PROZ: variants seen among roughly 807,000 people sequenced by gnomAD.
PROZ encodes vitamin K-dependent protein Z.
A neutral mutation model predicts 34.9 loss-of-function variants in PROZ; 46 were observed. The observed-to-expected ratio is 1.32, with a 90% confidence interval of 1.04 to 1.69. The LOEUF is 1.69. Among genes scored for constraint, PROZ ranks in the 40% most tolerant of loss-of-function variants. PROZ has a pLI of 0.00. For missense variants in PROZ, 530 were observed against 520.4 expected (o/e 1.02, Z -0.18); for synonymous variants, 195 against 208.5 (o/e 0.94, Z 0.56).
At position 113,159,023 on chromosome 13, in the gene PROZ, T is replaced by TG. The variant is rs2036711755; in HGVS notation, c.70+299dup. Among the ~76,000 whole-genome samples, 1 of 16,720 alleles carries TG rather than the reference T, an allele frequency of 6.0e-5. No homozygotes were observed. The highest frequency in any genetic ancestry group is 1.2e-4 in the Non-Finnish European group (1 of 8,356). 11.0% of individuals were successfully genotyped at this position (16,720 alleles called of 152,430 possible). ...GAGGGGAGGGGGAAAGGGGGAGGAGTGGGGGGAGGCCTGGGTTGGGCATTG... is the reference window on the plus strand; with the variant it reads ...GAGGGGAGGGGGAAAGGGGGAGGAGTGGGGGGGAGGCCTGGGTTGGGCATTG... On this transcript the variant is annotated intron_variant, in intron 1 of 7. Transcript: ENST00000375547. The surrounding 1 kb of genome is among the most constrained non-coding windows in gnomAD (Gnocchi z 4.6).
chr13:113,160,837 TC>T, intron 2 of PROZ, 110 bp from the exon 3 acceptor site: 1 of 926,266 alleles, frequency 1.1e-6, no homozygotes, highest in Non-Finnish European at 1.7e-6. Flanking sequence ...ACCACTATTG[TC>T]CTATTAAGTG....
chr13:113,170,640 T>C, intron 7 of PROZ, 110 bp downstream of exon 7: 1 of 733,796 alleles, frequency 1.4e-6, no homozygotes, highest in Non-Finnish European at 2.4e-6. Flanking sequence ...AACATAGAAC[T>C]GAATTTACTG....
At chr13:113,165,193 AATGTTG>A (rs1044795663) in intron 6 of PROZ, 73 bp downstream of exon 6, 4 of 1,483,680 alleles carry the variant, frequency 2.7e-6, no homozygotes, top group Non-Finnish European at 3.7e-6. Context: ...CCTAAATAGA[AATGTTG>A]ACAACTAAGT....
At chr13:113,168,628 A>G (rs2037017951) in intron 6 of PROZ, among the ~76,000 whole-genome samples, 1 of 152,224 alleles carries the variant, frequency 6.6e-6, no homozygotes, top group Admixed American at 6.5e-5. Context: ...TTTGAATTTA[A>G]TTATACTGTG....
intron 3 of PROZ, among the ~76,000 whole-genome samples, chr13:113,161,303 C>T (rs1009487318): frequency 1.3e-5 from 2 of 152,222 alleles, no homozygotes; most frequent in African/African-American, 4.8e-5. Flanking sequence ...TCCTGGGAAG[C>T]CTCATGCTGC....
rs2036711602 is a variant in PROZ, at chr13:113,159,017, G to A, written c.70+287G>A. ...CGGGGAGAGGGGAGGGGGAAAGGGGGAGGAGTGGGGGGAGGCCTGGGTTGG... is the reference window on the plus strand; with the variant it reads ...CGGGGAGAGGGGAGGGGGAAAGGGGAAGGAGTGGGGGGAGGCCTGGGTTGG... On this transcript the variant is annotated intron_variant, in intron 1 of 7. Transcript: ENST00000375547. The surrounding 1 kb of genome is among the most constrained non-coding windows in gnomAD (Gnocchi z 4.6). Among the ~76,000 whole-genome samples the A allele has an allele frequency of 6.7e-6, 1 of 148,160 alleles. No individual in the cohort carries two copies. Among genetic ancestry groups the A allele is most frequent in the African/African-American group, 2.5e-5 (1 of 40,384 alleles).
rs541732106 is a variant in PROZ, at chr13:113,159,144, G to A, written c.70+414G>A. 8.3e-4 allele frequency: 1,116 copies of A among 1,343,272 alleles called. 1 individual carries two copies. The highest frequency in any genetic ancestry group is 1.1e-3 in the Non-Finnish European group (1,023 of 958,820). The allele number at this position is 1,343,272 out of a possible 1,614,324, so 83.2% of individuals were successfully genotyped here. ...GCCAGGAATGCCCAGTCTTGAGTCA[G>A]GAGACATAGCCAGGGAGCAGCCACC... On this transcript the variant is annotated intron_variant, in intron 1 of 7. Transcript: ENST00000375547. The surrounding 1 kb of genome is among the most constrained non-coding windows in gnomAD (Gnocchi z 4.6).
chr13:113,166,557 G>A (rs2036939909), intron 6 of PROZ: 2 of 152,212 alleles, frequency 1.3e-5, no homozygotes, highest in Admixed American at 1.3e-4. Flanking sequence ...TGGAGCTCAA[G>A]GACTTGAAGC....
intron 3 of PROZ, among the ~76,000 whole-genome samples, chr13:113,161,462 G>C (rs1391130889): frequency 6.6e-6 from 1 of 152,146 alleles, no homozygotes; most frequent in Non-Finnish European, 1.5e-5. Context: ...CCACGGGGCT[G>C]GGGGAGGCCA....
At chr13:113,165,237 T>A (rs1196701885) in intron 6 of PROZ, 117 bp downstream of exon 6, 2 of 1,075,694 alleles carry the variant, frequency 1.9e-6, no homozygotes, top group Admixed American at 3.9e-5. Flanking sequence ...TTTGATGGGC[T>A]ACTGACTGCA....
Position 113,159,862 on chromosome 13 carries a change from AGTAGCGGG to A in PROZ, c.71-149_71-142del. On this transcript the variant is annotated intron_variant, in intron 1 of 7. Transcript: ENST00000375547. The surrounding 1 kb of genome is among the most constrained non-coding windows in gnomAD (Gnocchi z 4.6). The stretch of plus-strand genomic sequence containing the variant: ...AGTGCTTGCCTACCTCGGGGGAGGG[AGTAGCGGG>A]GTGGCCCTGAGGCCCTCGCAGGCTG... 1.2e-6 allele frequency: 1 copy of A among 851,644 alleles called. No individual in the cohort carries two copies. Among genetic ancestry groups the A allele is most frequent in the South Asian group, 1.4e-5 (1 of 72,832 alleles). The allele number at this position is 851,644 out of a possible 1,614,324, so 52.8% of individuals were successfully genotyped here. A position where few individuals can be genotyped will look rare whatever the true frequency, so the allele number is the denominator to read the frequency against.
Position 113,164,641 on chromosome 13 carries a change from C to T in PROZ, c.502C>T (p.His168Tyr), listed in dbSNP as rs1179947086. Residue 168 changes from histidine to tyrosine, a missense_variant, in exon 5 of 8, where the codon CAC (histidine) becomes TAC (tyrosine). By Grantham distance (83) the His-to-Tyr change is moderately conservative (BLOSUM62 2). Coordinates refer to ENST00000375547, the MANE Select transcript of PROZ (RefSeq NM_003891.3). ...TGAGGACCACAAACAGTGTGTGCCCCACGGTGAGTGCTCAGACCACAGCGG... is the reference window on the plus strand; with the variant it reads ...TGAGGACCACAAACAGTGTGTGCCCTACGGTGAGTGCTCAGACCACAGCGG... ...LGEDHKQCVP[H>Y]DQCACGVLTS... is the part of the protein sequence containing the mutation. 2 of 1,613,518 alleles carry T rather than the reference C, an allele frequency of 1.2e-6. No homozygotes were observed. Among genetic ancestry groups the T allele is most frequent in the Non-Finnish European group, 1.7e-6 (2 of 1,179,980 alleles).
chr13:113,171,718 G>A lies in PROZ; in HGVS notation c.816G>A (p.Gln272=). The A allele has an allele frequency of 6.2e-7, 1 of 1,612,970 alleles. No homozygotes were observed. The highest frequency in any genetic ancestry group is 8.5e-7 in the Non-Finnish European group (1 of 1,179,232). The change falls in exon 8 of 8, where the codon CAG becomes CAA. Residue 272 remains glutamine, a synonymous_variant. Coordinates refer to ENST00000375547, the MANE Select transcript of PROZ (RefSeq NM_003891.3). The surrounding 1 kb of genome is among the most constrained non-coding windows in gnomAD (Gnocchi z 5.1). ...TGCTGGAGCTGGAGTGGCCCATCCA[G>A]TGCCCAGGTGCGGGGCTCCCCGTGT... ...LSLLELEWPI[Q]CPGAGLPVCT...
chr13:113,170,282 C>T (rs894093037), intron 6 of PROZ, 131 bp from the exon 7 acceptor site: 19 of 609,054 alleles, frequency 3.1e-5, no homozygotes, highest in African/African-American at 9.0e-5. Flanking sequence ...GAATCAAATA[C>T]GGCTGTCTGC....
Position 113,158,928 on chromosome 13 carries a change from G to A in PROZ, c.70+198G>A, listed in dbSNP as rs1014968165. On this transcript the variant is annotated intron_variant, in intron 1 of 7. Coordinates refer to ENST00000375547, the MANE Select transcript of PROZ (RefSeq NM_003891.3). This position sits in a 1 kb window ranked among gnomAD's most constrained non-coding sequence, Gnocchi z 4.3. ...TTTGGGACATGATAGTGTCACTTGG[G>A]GTCCTCCCAAGAGATGCCCAAATGG... 6.6e-6 allele frequency among the ~76,000 whole-genome samples: 1 copy of A among 151,848 alleles called. No individual in the cohort carries two copies. Among genetic ancestry groups the A allele is most frequent in the African/African-American group, 2.4e-5 (1 of 41,286 alleles).
At chr13:113,164,760 G>C in intron 5 of PROZ, 116 bp downstream of exon 5, 1 of 1,480,300 alleles carries the variant, frequency 6.8e-7, no homozygotes, top group East Asian at 2.5e-5. Flanking sequence ...CAGTTGCCAC[G>C]ACTCAGAAGG....
rs770072697 is a variant in PROZ, at chr13:113,171,987, G to A, written c.1085G>A (p.Arg362Lys). The A allele has an allele frequency of 1.2e-5, 20 of 1,613,276 alleles. No individual in the cohort carries two copies. The Admixed American group carries it at 3.0e-4, about 24-fold the overall frequency. Residue 362 changes from arginine (R) to lysine (K), a missense_variant, in exon 8 of 8, where the codon AGA (arginine) becomes AAA (lysine). Physicochemically the swap from Arg to Lys is conservative, Grantham distance 26. Coordinates refer to ENST00000375547, the MANE Select transcript of PROZ (RefSeq NM_003891.3). This position sits in a 1 kb window ranked among gnomAD's most constrained non-coding sequence, Gnocchi z 5.1. ...MDGSVVTREH[R>K]GSWFLTGVLG... ...GGAAGTGTGGTCACCAGAGAACACA[G>A]AGGCTCCTGGTTTCTCACGGGGGTC...
Position 113,172,229 on chromosome 13 carries a change from C to A in PROZ, c.*124C>A. On this transcript the variant is annotated 3_prime_UTR_variant, in exon 8 of 8. Coordinates refer to ENST00000375547, the MANE Select transcript of PROZ (RefSeq NM_003891.3). The stretch of plus-strand genomic sequence containing the variant: ...GAGGCCGTCACAGCCCCAGACCACC[C>A]GCTTGGCCCACGCAGCAGCAGAGCC... 1 of 1,373,894 alleles carries A rather than the reference C, an allele frequency of 7.3e-7. No individual in the cohort carries two copies. The highest frequency in any genetic ancestry group is 1.0e-6 in the Non-Finnish European group (1 of 999,118). The allele number at this position is 1,373,894 out of a possible 1,614,324, so 85.1% of individuals were successfully genotyped here. A position where few individuals can be genotyped will look rare whatever the true frequency, so the allele number is the denominator to read the frequency against.
chr13:113,170,230 A>T lies in PROZ; in HGVS notation c.574-183A>T, dbSNP rs3024765. ...AAGCAAACAAAAGCTTAGACTGTCA[A>T]CAATTCGTTAACAATCCTGTACCAT... On this transcript the variant is annotated intron_variant, in intron 6 of 7. Transcript: ENST00000375547. Among the ~76,000 whole-genome samples, 1,086 of 147,776 alleles carry T rather than the reference A, an allele frequency of 7.3e-3. 17 individuals carry two copies. Among genetic ancestry groups the T allele is most frequent in the African/African-American group, 0.025 (1,016 of 40,044 alleles).
Sources: allele counts gnomAD v4.1 joint callset (sites outside exome capture counted in the v4.1 genomes callset), GRCh38; gene constraint gnomAD v4.1.1; non-coding constraint Gnocchi (gnomAD v3.1); transcripts MANE v1.5; gene names NCBI Gene and HGNC (gene_info 2026-07-23, HGNC 2026-07-21).